Variants in NSUN4 observed in about 807,000 individuals in gnomAD.
NSUN4 encodes NOP2/Sun RNA methyltransferase 4.
In NSUN4, 31 loss-of-function variants were observed where a neutral mutation model predicts 43.8. That is an observed-to-expected ratio of 0.71 (90% CI 0.53 to 0.96). The LOEUF is 0.96. NSUN4 is among the 40% of genes least tolerant of loss of function. The pLI is 0.00. For missense variants in NSUN4, 439 were observed against 475.6 expected, an observed-to-expected ratio of 0.92 and a Z score of 0.72; for synonymous variants, 167 against 184.1, an observed-to-expected ratio of 0.91 and a Z score of 0.75.
chr1:46,345,177 G>T (rs1360444203), intron 2 of NSUN4, 33 bp downstream of exon 2: 1 of 1,506,048 alleles, frequency 6.6e-7, no homozygotes, highest in East Asian at 2.3e-5. Flanking sequence ...GAGCGGTCCT[G>T]AGTGTCTGCT....
the NSUN4 span, among the ~76,000 whole-genome samples, chr1:46,372,798 A>G: frequency 0.037 from 5,611 of 152,072 alleles, 132 homozygotes; most frequent in Non-Finnish European, 0.046. Context: ...TCTCAGTTCA[A>G]TGCAACCTCT....
At position 46,362,793 on chromosome 1, in the gene NSUN4, C is replaced by T. The variant is rs1409677035; in HGVS notation, c.*947C>T. The stretch of plus-strand genomic sequence containing the variant: ...CTCTGGTGCCTGTTCTTTGGCCCAC[C>T]CCCTAATCCCTAACTCTTCCCTCAG... On this transcript the variant is annotated 3_prime_UTR_variant, in exon 6 of 6. Transcript: ENST00000474844. The T allele has an allele frequency of 6.6e-6, 1 of 152,010 alleles. No homozygotes were observed. Among genetic ancestry groups the T allele is most frequent in the East Asian group, 1.9e-4 (1 of 5,186 alleles). The allele number at this position is 152,010 out of a possible 1,614,324, so 9.4% of individuals were successfully genotyped here.
intron 4 of NSUN4, among the ~76,000 whole-genome samples, chr1:46,356,073 CTTTTA>C (rs1274301976): frequency 6.6e-6 from 1 of 151,608 alleles, no homozygotes; most frequent in Middle Eastern, 3.2e-3. Context: ...GTGTTAAGCA[CTTTTA>C]TTTATTTATT....
chr1:46,372,172 G>T, the NSUN4 span, among the ~76,000 whole-genome samples: 40 of 142,418 alleles, frequency 2.8e-4, 1 homozygote, highest in Middle Eastern at 0.039. Flanking sequence ...ATGGAGTCTC[G>T]CTCTGTCACC....
At chr1:46,383,646 G>A in the NSUN4 span, among the ~76,000 whole-genome samples, 4 of 151,490 alleles carry the variant, frequency 2.6e-5, no homozygotes, top group African/African-American at 7.3e-5. Flanking sequence ...TAGTAGAGGC[G>A]GGGTTTCACT....
chr1:46,361,938 C>T lies in NSUN4; in HGVS notation c.*92C>T. 1 of 1,166,460 alleles carries T rather than the reference C, an allele frequency of 8.6e-7. No individual in the cohort carries two copies. The highest frequency in any genetic ancestry group is 2.5e-5 in the East Asian group (1 of 39,274). The allele number at this position is 1,166,460 out of a possible 1,614,324, so 72.3% of individuals were successfully genotyped here. ...CTGGGACCAGTGGCAGAGATGCACT[C>T]TCGGTCCTGTCTCCATCCTGTTCGT... On this transcript the variant is annotated 3_prime_UTR_variant, in exon 6 of 6. Transcript: ENST00000474844.
At position 46,353,008 on chromosome 1, in the gene NSUN4, G is replaced by A; in HGVS notation, c.733G>A (p.Glu245Lys). The change falls in exon 4 of 6, where the codon GAG (glutamate) becomes AAG (lysine). Residue 245 changes from glutamate to lysine, a missense_variant. Glu to Lys is a moderately conservative substitution (Grantham distance 56). Coordinates refer to ENST00000474844, the MANE Select transcript of NSUN4 (RefSeq NM_199044.4). ...SWDGRKWGELEGDTYDRVLVD... is the reference protein window; with the variant it reads ...SWDGRKWGELKGDTYDRVLVD... ...GGATGGCAGGAAATGGGGAGAACTG[G>A]AGGGGGACACCTATGACCGGGTGAG... The A allele has an allele frequency of 6.2e-7, 1 of 1,614,132 alleles. No homozygotes were observed. The highest frequency in any genetic ancestry group is 8.5e-7 in the Non-Finnish European group (1 of 1,179,998).
In NSUN4 at chr1:46,344,948, G is replaced by C. The variant is rs1421146459; in HGVS notation, c.241G>C (p.Ala81Pro). The change falls in exon 2 of 6, where the codon GCT (alanine) becomes CCT (proline). Residue 81 changes from alanine to proline, a missense_variant. Ala to Pro is a conservative substitution (Grantham distance 27). Coordinates refer to ENST00000474844, the MANE Select transcript of NSUN4 (RefSeq NM_199044.4). Reference sequence around the variant, plus strand: ...GTATGGTGCACTGGTCAATAACTTTGCTGCCTGGGATCATGTAAGTGCTAA... The same window carrying C: ...GTATGGTGCACTGGTCAATAACTTTCCTGCCTGGGATCATGTAAGTGCTAA... ...QKYGALVNNF[A>P]AWDHVSAKLE... 1 of 1,614,206 alleles carries C rather than the reference G, an allele frequency of 6.2e-7. No individual in the cohort carries two copies. Among genetic ancestry groups the C allele is most frequent in the Admixed American group, 1.7e-5 (1 of 60,028 alleles).
At chr1:46,361,428 T>C (rs1043600815) in intron 5 of NSUN4, 142 bp from the exon 6 acceptor site, 1 of 701,070 alleles carries the variant, frequency 1.4e-6, no homozygotes, top group Middle Eastern at 4.1e-4. Context: ...GACAGTGTCA[T>C]TGTGGAAGGG....
chr1:46,346,909 C>T lies in NSUN4; in HGVS notation c.438-12C>T, dbSNP rs1200307927. ...CTGGAATTTAACAATAAAGTGGTCT[C>T]CTCTTTTCCAGACCTGGCAGCCTGG... is the stretch of plus-strand genomic sequence containing the variant. On this transcript the variant is annotated splice_polypyrimidine_tract_variant and intron_variant, in intron 2 of 5. Coordinates refer to ENST00000474844, the MANE Select transcript of NSUN4 (RefSeq NM_199044.4). 3.7e-6 allele frequency: 6 copies of T among 1,610,738 alleles called. No homozygotes were observed. The East Asian group carries it at 1.1e-4, about 30-fold the overall frequency.
intron 1 of NSUN4, chr1:46,341,718 T>TA: frequency 8.1e-7 from 1 of 1,230,370 alleles, no homozygotes; most frequent in Non-Finnish European, 1.0e-6. Context: ...GGAAAGGACC[T>TA]ACTGCCGCTA....
At chr1:46,367,961 C>T (rs545945275), downstream of NSUN4, among the ~76,000 whole-genome samples, 153 of 151,956 alleles carry the variant, frequency 1.0e-3, no homozygotes, top group South Asian at 1.0e-3. Context: ...GATGGGGTTT[C>T]GCCATGTTGC....
At chr1:46,344,780 A>T in intron 1 of NSUN4, 21 bp from the exon 2 acceptor site, 1 of 1,602,718 alleles carries the variant, frequency 6.2e-7, no homozygotes, top group Non-Finnish European at 8.5e-7. Context: ...AAAACCAATA[A>T]GCCTGTCCTC....
downstream of NSUN4, among the ~76,000 whole-genome samples, chr1:46,367,474 C>T (rs1362903317): frequency 1.3e-5 from 2 of 152,146 alleles, no homozygotes; most frequent in African/African-American, 2.4e-5. Flanking sequence ...ACATTTTCAT[C>T]CATTTTGTGG....
intron 1 of NSUN4, 175 bp downstream of exon 1, chr1:46,341,094 C>G (rs1278308805): frequency 2.5e-6 from 3 of 1,203,384 alleles, no homozygotes; most frequent in South Asian, 1.7e-5. Flanking sequence ...CTCTATGTCC[C>G]GAGCGTTAGT....
At position 46,360,700 on chromosome 1, in the gene NSUN4, G is replaced by C; in HGVS notation, c.754-4G>C. ...AATACTTTACCCTTTAACACTCTGG[G>C]TAGGTGCTGGTGGATGTGCCCTGTA... On this transcript the variant is annotated splice_region_variant and splice_polypyrimidine_tract_variant and intron_variant, in intron 4 of 5. Coordinates refer to ENST00000474844, the MANE Select transcript of NSUN4 (RefSeq NM_199044.4). 6.2e-7 allele frequency: 1 copy of C among 1,613,716 alleles called. No individual in the cohort carries two copies. The highest frequency in any genetic ancestry group is 8.5e-7 in the Non-Finnish European group (1 of 1,179,694).
intron 3 of NSUN4, 79 bp from the exon 4 acceptor site, chr1:46,352,789 T>C (rs1663096432): frequency 7.2e-7 from 1 of 1,394,408 alleles, no homozygotes; most frequent in Admixed American, 1.8e-5. Flanking sequence ...TACCTGAGAA[T>C]TGGTCTGACT....
At chr1:46,377,598 T>C in the NSUN4 span, among the ~76,000 whole-genome samples, 1 of 152,228 alleles carries the variant, frequency 6.6e-6, no homozygotes, top group Non-Finnish European at 1.5e-5. Context: ...CTCAGACTGA[T>C]GTCACCAGAT....
At chr1:46,353,158 C>A in intron 4 of NSUN4, 130 bp downstream of exon 4, 1 of 751,752 alleles carries the variant, frequency 1.3e-6, no homozygotes, top group Non-Finnish European at 2.1e-6. Flanking sequence ...CTGGCCAGTT[C>A]TACATTGGTG....
Sources: allele counts gnomAD v4.1 joint callset (sites outside exome capture counted in the v4.1 genomes callset), GRCh38; gene constraint gnomAD v4.1.1; transcripts MANE v1.5; gene names NCBI Gene and HGNC (gene_info 2026-07-23, HGNC 2026-07-21).